Variants in DGKD observed in about 807,000 individuals in gnomAD.
DGKD encodes diacylglycerol kinase delta.
Under a neutral mutation model 154.4 loss-of-function variants are expected in DGKD, and 68 were observed. The observed-to-expected ratio is 0.44, with a 90% confidence interval of 0.36 to 0.54. The LOEUF (loss-of-function observed/expected upper bound fraction) is 0.54. Among genes scored for constraint, DGKD ranks in the 20% least tolerant of loss-of-function variants. DGKD has a pLI of 0.00. For synonymous variants in DGKD, 693 were observed against 638.0 expected, an observed-to-expected ratio of 1.09 and a Z score of -1.30; for missense variants, 1,343 against 1,593.6, an observed-to-expected ratio of 0.84 and a Z score of 2.68.
At chr2:233,430,488 G>C (rs1471790754) in intron 3 of DGKD, among the ~76,000 whole-genome samples, 1 of 152,142 alleles carries the variant, frequency 6.6e-6, no homozygotes, top group Non-Finnish European at 1.5e-5. Flanking sequence ...TGCTACTGTT[G>C]ACAAAAGGGA....
At chr2:233,368,670 T>TC (rs1162074043) in intron 1 of DGKD, among the ~76,000 whole-genome samples, 11 of 152,124 alleles carry the variant, frequency 7.2e-5, no homozygotes, top group Non-Finnish European at 1.6e-4. Flanking sequence ...AATGTTTCTC[T>TC]CCCCCCAACC....
intron 3 of DGKD, among the ~76,000 whole-genome samples, chr2:233,432,003 GAAA>G (rs2062529807): frequency 6.6e-6 from 1 of 152,114 alleles, no homozygotes; most frequent in African/African-American, 2.4e-5. Context: ...AAAAAGCAGT[GAAA>G]AAAAGCTCCT....
chr2:233,452,060 T>C lies in DGKD; in HGVS notation c.2264T>C (p.Leu755Pro), dbSNP rs1381221369. ...CCCTTCAACTCTGAACCAGAAACCC[T>C]GTGAGTATGAGGGATAAACCGAGTG... ...ADPFNSEPETLEYYTEKCVMN... is the reference protein window; with the variant it reads ...ADPFNSEPETPEYYTEKCVMN... Residue 755 changes from leucine to proline, a missense_variant and splice_region_variant, in exon 18 of 30, where the codon CTA becomes CCA. Leu to Pro is a moderately conservative substitution (Grantham distance 98). This residue lies in a region of DGKD where 409 missense variants were observed against 446.0 expected (regional missense o/e 0.92). Coordinates refer to ENST00000264057, the MANE Select transcript of DGKD (RefSeq NM_152879.3). This position sits in a 1 kb window ranked among gnomAD's most constrained non-coding sequence, Gnocchi z 4.0. 2.5e-6 allele frequency: 4 copies of C among 1,613,266 alleles called. No individual in the cohort carries two copies. Among genetic ancestry groups the C allele is most frequent in the African/African-American group, 1.3e-5 (1 of 74,906 alleles).
intron 10 of DGKD, among the ~76,000 whole-genome samples, chr2:233,444,088 C>T (rs562554889): frequency 6.6e-6 from 1 of 152,208 alleles, no homozygotes; most frequent in South Asian, 2.1e-4. Context: ...CTCCTGGGGG[C>T]GCCTCAATTG....
chr2:233,431,101 A>AC (rs2062493500), intron 3 of DGKD, among the ~76,000 whole-genome samples: 1 of 152,242 alleles, frequency 6.6e-6, no homozygotes. Flanking sequence ...CACCAAAAAA[A>AC]CTATTAAAAC....
intron 3 of DGKD, among the ~76,000 whole-genome samples, chr2:233,431,893 G>C (rs1017298534): frequency 6.6e-6 from 1 of 152,226 alleles, no homozygotes; most frequent in Non-Finnish European, 1.5e-5. Context: ...TTTCTAGGAC[G>C]TTGGACTGGG....
rs1701466523 is a variant in DGKD at position 233,354,848 on chromosome 2, C to T, written c.156+174C>T. ...CCGCCGCTGTAACGGGCCGGCGCCC[C>T]GGGCGGAGCGCGCGGCCCCCGACGG... On this transcript the variant is annotated intron_variant, in intron 1 of 29. Transcript: ENST00000264057. The surrounding 1 kb of genome is among the most constrained non-coding windows in gnomAD (Gnocchi z 4.8). Among the ~76,000 whole-genome samples the T allele has an allele frequency of 1.4e-5, 2 of 145,044 alleles. No homozygotes were observed. The highest frequency in any genetic ancestry group is 2.0e-4 in the East Asian group (1 of 4,962).
chr2:233,455,178 G>A (rs985990876), intron 19 of DGKD, among the ~76,000 whole-genome samples: 2 of 152,214 alleles, frequency 1.3e-5, no homozygotes, highest in Admixed American at 6.5e-5. Context: ...AGCGGCAGGT[G>A]TGCCAAGAAG....
At chr2:233,467,843 A>G (rs538508395) in intron 28 of DGKD, among the ~76,000 whole-genome samples, 2 of 152,224 alleles carry the variant, frequency 1.3e-5, no homozygotes, top group African/African-American at 4.8e-5. Flanking sequence ...TCTTCTTTGC[A>G]TGTTTGTCCA....
Position 233,388,393 on chromosome 2 carries a change from C to T in DGKD, c.267+26C>T, listed in dbSNP as rs150864006. ...GTGAGGCCCCATGCAGGAAAGCACA[C>T]GCGAGGACATCACAGGAGCCGTCCC... On this transcript the variant is annotated intron_variant, in intron 2 of 29. Transcript: ENST00000264057. The T allele has an allele frequency of 5.9e-5, 94 of 1,599,182 alleles. 1 individual carries two copies. The African/African-American group carries it at 7.8e-4, about 13-fold the overall frequency.
rs139714904 is a variant in DGKD at position 233,468,417 on chromosome 2, C to T, written c.3425-6C>T. ...CACTGCACTCGTGCTTTTCCATCTCCGACAGTTCACCTCTGGGGGACAGAG... is the reference window on the plus strand; with the variant it reads ...CACTGCACTCGTGCTTTTCCATCTCTGACAGTTCACCTCTGGGGGACAGAG... On this transcript the variant is annotated splice_polypyrimidine_tract_variant and splice_region_variant and intron_variant, in intron 28 of 29. Transcript: ENST00000264057. 6.3e-4 allele frequency: 1,010 copies of T among 1,612,768 alleles called. 4 individuals are homozygous for T. The African/African-American group carries it at 0.012, about 19-fold the overall frequency.
At chr2:233,365,205 G>A (rs144855086) in intron 1 of DGKD, among the ~76,000 whole-genome samples, 1 of 151,810 alleles carries the variant, frequency 6.6e-6, no homozygotes, top group African/African-American at 2.4e-5. Context: ...TTGTAAAAGT[G>A]TAGAATTGAA....
intron 19 of DGKD, among the ~76,000 whole-genome samples, chr2:233,456,197 C>T (rs746327413): frequency 1.3e-5 from 2 of 152,106 alleles, no homozygotes; most frequent in South Asian, 2.1e-4. Context: ...GACGTAGGTA[C>T]GAAGGGACTC....
chr2:233,438,169 G>T lies in DGKD; in HGVS notation c.923-48G>T. ...GCTGATTCCATCAGTGGTGCCCTCA[G>T]CGTCTTCCGTGGCCTATATATTTTC... On this transcript the variant is annotated intron_variant, in intron 8 of 29. Coordinates refer to ENST00000264057, the MANE Select transcript of DGKD (RefSeq NM_152879.3). This position sits in a 1 kb window ranked among gnomAD's most constrained non-coding sequence, Gnocchi z 4.1. 6.3e-7 allele frequency: 1 copy of T among 1,597,552 alleles called. No individual in the cohort carries two copies. Among genetic ancestry groups the T allele is most frequent in the Non-Finnish European group, 8.5e-7 (1 of 1,170,294 alleles).
chr2:233,419,262 T>G lies in DGKD; in HGVS notation c.349-15118T>G, dbSNP rs1311933697. The G allele has an allele frequency of 1.0e-5, 10 of 985,612 alleles. No homozygotes were observed. In the African/African-American group the frequency reaches 1.4e-4, roughly 14 times the overall value. 61.1% of individuals were successfully genotyped at this position (985,612 alleles called of 1,614,324 possible). A position where few individuals can be genotyped will look rare whatever the true frequency, so the allele number is the denominator to read the frequency against. ...GCCCCTCTTTTGGTTGGTGGCTGAT[T>G]GCACGGTACTGATTTGCTGCTCCAG... is the stretch of plus-strand genomic sequence containing the variant. On this transcript the variant is annotated intron_variant, in intron 3 of 29. Transcript: ENST00000264057.
rs1274242690 is a variant in DGKD, at chr2:233,459,462, C to T, written c.2695-295C>T. On this transcript the variant is annotated intron_variant, in intron 22 of 29. Coordinates refer to ENST00000264057, the MANE Select transcript of DGKD (RefSeq NM_152879.3). This position sits in a 1 kb window ranked among gnomAD's most constrained non-coding sequence, Gnocchi z 5.7. ...CCAGTGGCTTCTGGGAGCTACAACA[C>T]CCCTGCCCCTGGGTTCTGACACCTG... Among the ~76,000 whole-genome samples, 1 of 152,054 alleles carries T rather than the reference C, an allele frequency of 6.6e-6. No individual in the cohort carries two copies. Among genetic ancestry groups the T allele is most frequent in the African/African-American group, 2.4e-5 (1 of 41,388 alleles).
rs764039897 is a variant in DGKD, at chr2:233,449,961, G to A, written c.1889-21G>A. The A allele has an allele frequency of 2.2e-5, 34 of 1,569,706 alleles. No homozygotes were observed. The Admixed American group carries it at 2.7e-4, about 13-fold the overall frequency. ...TGGCTTTGCACCCGCGTGCTCAGCC[G>A]CACACACTCTCCTTGCACAGCTGTC... On this transcript the variant is annotated intron_variant, in intron 15 of 29. Transcript: ENST00000264057. This position sits in a 1 kb window ranked among gnomAD's most constrained non-coding sequence, Gnocchi z 5.3.
intron 3 of DGKD, among the ~76,000 whole-genome samples, chr2:233,413,244 A>G (rs1027325209): frequency 2.0e-5 from 3 of 152,162 alleles, no homozygotes; most frequent in East Asian, 1.9e-4. Flanking sequence ...CTAAAAATAC[A>G]TATATATGTA....
Position 233,356,374 on chromosome 2 carries a change from G to A in DGKD, c.156+1700G>A, listed in dbSNP as rs998845726. Reference sequence around the variant, plus strand: ...GGGCAAGAGGTGGCCACAGAGGATTGTTCAAAGTATGGGGGTGATGGATCA... The same window carrying A: ...GGGCAAGAGGTGGCCACAGAGGATTATTCAAAGTATGGGGGTGATGGATCA... On this transcript the variant is annotated intron_variant, in intron 1 of 29. Transcript: ENST00000264057. Among the ~76,000 whole-genome samples the A allele has an allele frequency of 2.6e-5, 4 of 152,280 alleles. No individual in the cohort carries two copies. The South Asian group carries it at 8.3e-4, about 32-fold the overall frequency.
Sources: gnomAD v4.1 joint callset for allele counts (sites outside exome capture counted in the v4.1 genomes callset) on GRCh38, gnomAD v4.1.1 for gene constraint, gnomAD v4.1.1 regional missense constraint, Gnocchi (gnomAD v3.1) non-coding constraint, MANE v1.5 for transcripts, NCBI Gene and HGNC (gene_info 2026-07-23, HGNC 2026-07-21) for gene names.